EPB41L5: variants seen among roughly 807,000 people sequenced by gnomAD.
The protein encoded by EPB41L5 is band 4.1-like protein 5.
A neutral mutation model predicts 106.6 loss-of-function variants in EPB41L5; 55 were observed. The ratio of observed to expected loss-of-function variants is 0.52; its 90% CI spans 0.42 to 0.65. The LOEUF is 0.65. Ranked by LOEUF, EPB41L5 falls within the 30% of genes least tolerant of loss-of-function variation. The pLI is 0.00. For missense variants in EPB41L5, 871 were observed against 882.1 expected (o/e 0.99, Z 0.16); for synonymous variants, 297 against 306.7 (o/e 0.97, Z 0.33).
chr2:120,025,976 A>T (rs954063620), intron 2 of EPB41L5, among the ~76,000 whole-genome samples: 1 of 152,194 alleles, frequency 6.6e-6, no homozygotes, highest in Admixed American at 6.5e-5. Context: ...AAACAAACCC[A>T]TGCGGTCATG....
chr2:120,060,365 A>G (rs1680949856), intron 3 of EPB41L5, among the ~76,000 whole-genome samples: 1 of 152,236 alleles, frequency 6.6e-6, no homozygotes, highest in African/African-American at 2.4e-5. Flanking sequence ...AAACAACCAC[A>G]GTGTCCTACA....
chr2:120,078,735 T>C (rs945182880), intron 10 of EPB41L5, among the ~76,000 whole-genome samples, 154 bp downstream of exon 10: 7 of 152,184 alleles, frequency 4.6e-5, no homozygotes, highest in African/African-American at 1.4e-4. Flanking sequence ...GCATCATTAT[T>C]CCTACTCTCC....
At chr2:120,077,368 C>T (rs1199721403) in intron 9 of EPB41L5, 52 bp downstream of exon 9, 19 of 1,515,112 alleles carry the variant, frequency 1.3e-5, no homozygotes, top group Non-Finnish European at 1.7e-5. Flanking sequence ...TGGAGGTTCG[C>T]AGTGACTGTG....
chr2:120,126,153 C>T lies in EPB41L5; in HGVS notation c.1338-1535C>T, dbSNP rs180851473. Among the ~76,000 whole-genome samples the T allele has an allele frequency of 1.2e-3, 183 of 152,024 alleles. 3 individuals carry two copies. Among genetic ancestry groups the T allele is most frequent in the Admixed American group, 4.6e-4 (7 of 15,272 alleles). ...TAATATAGTAAGTAATATATATATACGATATTAACTTATACTAATATATAT... is the reference window on the plus strand; with the variant it reads ...TAATATAGTAAGTAATATATATATATGATATTAACTTATACTAATATATAT... On this transcript the variant is annotated intron_variant, in intron 16 of 24. Coordinates refer to ENST00000263713, the MANE Select transcript of EPB41L5 (RefSeq NM_020909.4).
chr2:120,091,548 C>T lies in EPB41L5; in HGVS notation c.1044-7C>T, dbSNP rs1683412962. 6.2e-7 allele frequency: 1 copy of T among 1,608,746 alleles called. No homozygotes were observed. Among genetic ancestry groups the T allele is most frequent in the African/African-American group, 1.3e-5 (1 of 74,760 alleles). ...AATTTCCCTTACTTCTGTTATGCCTCATTTAGTGGGAAAACAGAGTATCAG... is the reference window on the plus strand; with the variant it reads ...AATTTCCCTTACTTCTGTTATGCCTTATTTAGTGGGAAAACAGAGTATCAG... On this transcript the variant is annotated splice_polypyrimidine_tract_variant and splice_region_variant and intron_variant, in intron 12 of 24. Coordinates refer to ENST00000263713, the MANE Select transcript of EPB41L5 (RefSeq NM_020909.4).
At chr2:120,109,512 C>T (rs997410350) in intron 16 of EPB41L5, among the ~76,000 whole-genome samples, 4 of 152,156 alleles carry the variant, frequency 2.6e-5, no homozygotes, top group African/African-American at 9.7e-5. Context: ...GGAATTTGTT[C>T]CTTGCTTTCC....
At position 120,015,907 on chromosome 2, in the gene EPB41L5, T is replaced by TAA. The variant is rs35254844; in HGVS notation, c.-9+2715_-9+2716dup. On this transcript the variant is annotated intron_variant, in intron 1 of 24. Coordinates refer to ENST00000263713, the MANE Select transcript of EPB41L5 (RefSeq NM_020909.4). The stretch of plus-strand genomic sequence containing the variant: ...CTGGGTGCTAGAGTGAGACTGTCTC[T>TAA]AAAAAAAAAAAAAAAAAAACATAAA... 5.6e-3 allele frequency among the ~76,000 whole-genome samples: 676 copies of TAA among 120,696 alleles called. 1 individual carries two copies. The highest frequency in any genetic ancestry group is 8.0e-3 in the Non-Finnish European group (463 of 57,842). The allele number at this position is 120,696 out of a possible 152,430, so 79.2% of individuals were successfully genotyped here.
chr2:120,023,849 T>C (rs1450481577), intron 2 of EPB41L5, among the ~76,000 whole-genome samples: 1 of 152,184 alleles, frequency 6.6e-6, no homozygotes, highest in Non-Finnish European at 1.5e-5. Flanking sequence ...TGTCCTCTCT[T>C]ATTTTGTTGA....
At chr2:120,153,158 C>T (rs1392997249) in intron 20 of EPB41L5, among the ~76,000 whole-genome samples, 3 of 151,904 alleles carry the variant, frequency 2.0e-5, no homozygotes, top group African/African-American at 4.8e-5. Context: ...TTATTCTGAG[C>T]GTTGCTTTTG....
chr2:120,085,403 A>G (rs1682989988), intron 10 of EPB41L5, among the ~76,000 whole-genome samples: 1 of 152,200 alleles, frequency 6.6e-6, no homozygotes, highest in Admixed American at 6.5e-5. Flanking sequence ...GGGTATCACC[A>G]GTGGAGGCTG....
chr2:120,154,645 G>A (rs1686826271), intron 20 of EPB41L5, among the ~76,000 whole-genome samples: 1 of 151,840 alleles, frequency 6.6e-6, no homozygotes, highest in Admixed American at 6.6e-5. Flanking sequence ...CATGTTTATG[G>A]GCCAGGCGTG....
chr2:120,028,269 TC>T (rs942693891), intron 2 of EPB41L5, among the ~76,000 whole-genome samples: 107 of 152,226 alleles, frequency 7.0e-4, no homozygotes, highest in African/African-American at 2.6e-3. Context: ...GCATAGTGGT[TC>T]ATGCCTGTAA....
chr2:120,070,907 A>T (rs1681818420), intron 3 of EPB41L5, among the ~76,000 whole-genome samples: 1 of 152,348 alleles, frequency 6.6e-6, no homozygotes, highest in East Asian at 1.9e-4. Context: ...AGCTGGAAGC[A>T]TTCCCTTTGA....
intron 16 of EPB41L5, among the ~76,000 whole-genome samples, chr2:120,103,184 T>C (rs1420950505): frequency 1.3e-5 from 2 of 152,220 alleles, no homozygotes; most frequent in Admixed American, 1.3e-4. Flanking sequence ...ATTTTATATT[T>C]GGGGTGGCAT....
intron 3 of EPB41L5, among the ~76,000 whole-genome samples, chr2:120,059,457 A>AT (rs767240247): frequency 3.9e-5 from 6 of 152,214 alleles, no homozygotes; most frequent in African/African-American, 1.2e-4. Context: ...CAAAAGGATG[A>AT]TTTTTAAAAA....
chr2:120,123,376 C>T (rs1685315300), intron 16 of EPB41L5, among the ~76,000 whole-genome samples: 1 of 141,426 alleles, frequency 7.1e-6, no homozygotes, highest in Non-Finnish European at 1.5e-5. Context: ...TCGCTTGAGC[C>T]ACACTGCATT....
At chr2:120,122,984 T>A (rs1480927632) in intron 16 of EPB41L5, among the ~76,000 whole-genome samples, 1 of 152,208 alleles carries the variant, frequency 6.6e-6, no homozygotes, top group African/African-American at 2.4e-5. Context: ...TTTATAGGAA[T>A]GCTTGTGATT....
intron 3 of EPB41L5, among the ~76,000 whole-genome samples, chr2:120,060,308 G>A (rs1488012990): frequency 6.6e-6 from 1 of 152,152 alleles, no homozygotes; most frequent in Non-Finnish European, 1.5e-5. Flanking sequence ...ACAAAAACCT[G>A]AGCATGATTG....
rs1687955776 is a variant in EPB41L5, at chr2:120,177,356, G to C, written c.*2449G>C. The C allele has an allele frequency of 6.5e-6, 1 of 152,894 alleles. No homozygotes were observed. Among genetic ancestry groups the C allele is most frequent in the Admixed American group, 6.5e-5 (1 of 15,280 alleles). The allele number at this position is 152,894 out of a possible 1,614,324, so 9.5% of individuals were successfully genotyped here. On this transcript the variant is annotated 3_prime_UTR_variant, in exon 25 of 25. Transcript: ENST00000263713. ...GCTGAGGTTGGAGAAGGGGCAGCCG[G>C]GGGCACTGCTGAGGGTTTGCCGTGC... is the stretch of plus-strand genomic sequence containing the variant.
Sources: allele counts gnomAD v4.1 joint callset (sites outside exome capture counted in the v4.1 genomes callset), GRCh38; gene constraint gnomAD v4.1.1; transcripts MANE v1.5; gene names NCBI Gene and HGNC (gene_info 2026-07-23, HGNC 2026-07-21).